The following NSMAF variants were observed in gnomAD, a reference collection of about 807,000 sequenced individuals.
NSMAF encodes neutral sphingomyelinase activation associated factor.
A neutral mutation model predicts 134.9 loss-of-function variants in NSMAF; 90 were observed. That is an observed-to-expected ratio of 0.67 (90% CI 0.56 to 0.79). The LOEUF (loss-of-function observed/expected upper bound fraction) is 0.79. NSMAF is among the 30% of genes least tolerant of loss of function. The probability of loss-of-function intolerance (pLI) is 0.00; values close to 1 mark genes in which losing one functional copy is unlikely to be tolerated. For missense variants in NSMAF, 1,010 were observed against 1,119.0 expected (o/e 0.90, Z 1.39); for synonymous variants, 358 against 389.6 (o/e 0.92, Z 0.96).
At chr8:58,627,055 A>G (rs1806949246) in intron 6 of NSMAF, among the ~76,000 whole-genome samples, 2 of 151,674 alleles carry the variant, frequency 1.3e-5, no homozygotes, top group Non-Finnish European at 2.9e-5. Context: ...TGATGGGATT[A>G]TTTGTTTTTT....
intron 24 of NSMAF, 24 bp downstream of exon 24, chr8:58,590,843 A>T (rs1806005282): frequency 6.5e-7 from 1 of 1,543,836 alleles, no homozygotes; most frequent in Admixed American, 1.7e-5. Flanking sequence ...GATTTCTATC[A>T]TAATACTATT....
chr8:58,645,857 A>G (rs1040038172), intron 1 of NSMAF, among the ~76,000 whole-genome samples: 3 of 152,142 alleles, frequency 2.0e-5, no homozygotes, highest in Non-Finnish European at 4.4e-5. Flanking sequence ...CCTGGTCAAC[A>G]TGGTGAAACC....
At chr8:58,598,233 G>A (rs1052556456) in intron 19 of NSMAF, among the ~76,000 whole-genome samples, 1 of 152,020 alleles carries the variant, frequency 6.6e-6, no homozygotes, top group African/African-American at 2.4e-5. Flanking sequence ...TTATGAACAT[G>A]GGCGATATGG....
intron 1 of NSMAF, chr8:58,659,249 C>T: frequency 1.3e-6 from 2 of 1,504,750 alleles, no homozygotes; most frequent in East Asian, 2.7e-5. Context: ...GGACCCCGCG[C>T]GGCCTTCCGG....
At chr8:58,601,105 G>T in intron 16 of NSMAF, 180 bp downstream of exon 16, 1 of 508,132 alleles carries the variant, frequency 2.0e-6, no homozygotes, top group Non-Finnish European at 3.4e-6. Flanking sequence ...CATAAAATAT[G>T]TTCTCACATT....
chr8:58,652,132 T>C (rs1000130367), intron 1 of NSMAF, among the ~76,000 whole-genome samples: 2 of 152,046 alleles, frequency 1.3e-5, no homozygotes, highest in Non-Finnish European at 2.9e-5. Context: ...AACTTTTAGC[T>C]TTAGGAAGCT....
intron 9 of NSMAF, among the ~76,000 whole-genome samples, chr8:58,610,569 C>A (rs1806505425): frequency 6.6e-6 from 1 of 152,064 alleles, no homozygotes; most frequent in Non-Finnish European, 1.5e-5. Flanking sequence ...GAATGTTGAG[C>A]ATGTAAAGCA....
chr8:58,631,649 G>C (rs1442391703), intron 5 of NSMAF, 103 bp from the exon 6 acceptor site: 1 of 606,518 alleles, frequency 1.6e-6, no homozygotes. Flanking sequence ...TTAAATCATT[G>C]TTATATAATC....
intron 30 of NSMAF, among the ~76,000 whole-genome samples, chr8:58,584,510 C>T (rs1158262870): frequency 2.0e-5 from 3 of 152,104 alleles, no homozygotes; most frequent in African/African-American, 7.2e-5. Context: ...TATAACATGA[C>T]AAAAGTTGGG....
chr8:58,647,730 A>G (rs1807491736), intron 1 of NSMAF, among the ~76,000 whole-genome samples: 1 of 152,346 alleles, frequency 6.6e-6, no homozygotes, highest in East Asian at 1.9e-4. Context: ...GAGGCTTACC[A>G]GAAACCAAGC....
At position 58,585,701 on chromosome 8, in the gene NSMAF, A is replaced by C; in HGVS notation, c.2610T>G (p.Val870=). 1 of 1,614,168 alleles carries C rather than the reference A, an allele frequency of 6.2e-7. No individual in the cohort carries two copies. The highest frequency in any genetic ancestry group is 8.5e-7 in the Non-Finnish European group (1 of 1,179,994). The part of the protein sequence containing the change: ...LSGSQSGELL[V]WDLLGAKISE... ...TGATTTTTGCTCCAAGGAGGTCCCA[A>C]ACGAGCAGTTCACCAGACTGACTGC... is the stretch of plus-strand genomic sequence containing the variant. Residue 870 remains valine, a synonymous_variant, in exon 30 of 31, where the codon GTT becomes GTG. Transcript: ENST00000038176.
At chr8:58,612,640 AG>A (rs564282122) in intron 9 of NSMAF, among the ~76,000 whole-genome samples, 1 of 152,156 alleles carries the variant, frequency 6.6e-6, no homozygotes, top group African/African-American at 2.4e-5. Flanking sequence ...ATCGGAGGTG[AG>A]GGGGGCAGCC....
chr8:58,635,443 C>G, intron 3 of NSMAF, 25 bp downstream of exon 3: 2 of 1,569,480 alleles, frequency 1.3e-6, no homozygotes, highest in Non-Finnish European at 1.7e-6. Context: ...AGGAATGTTT[C>G]TGTTCATATT....
At chr8:58,634,550 C>A (rs1284213457) in intron 5 of NSMAF, among the ~76,000 whole-genome samples, 1 of 152,200 alleles carries the variant, frequency 6.6e-6, no homozygotes, top group African/African-American at 2.4e-5. Context: ...GCTGTCAAGG[C>A]AACATCTGCT....
rs1805977242 is a variant in NSMAF at position 58,589,527 on chromosome 8, T to G, written c.2136A>C (p.Gly712=). Residue 712 remains glycine, a synonymous_variant, in exon 26 of 31, where the codon GGA becomes GGC. Coordinates refer to ENST00000038176, the MANE Select transcript of NSMAF (RefSeq NM_003580.4). ...AGATCTTACTAACAGCATCATCATG[T>G]CCCATTAACGTGTCCTGGCGTCTTC... The part of the protein sequence containing the change: ...AFGRRQDTLM[G]HDDAVSKICW... 6.4e-7 allele frequency: 1 copy of G among 1,573,928 alleles called. No individual in the cohort carries two copies. The highest frequency in any genetic ancestry group is 1.2e-5 in the South Asian group (1 of 83,312).
intron 9 of NSMAF, among the ~76,000 whole-genome samples, chr8:58,617,531 A>T (rs1806688126): frequency 6.6e-6 from 1 of 152,256 alleles, no homozygotes; most frequent in African/African-American, 2.4e-5. Flanking sequence ...AAAAGAAGAC[A>T]TCTATGCAGC....
chr8:58,598,618 G>A (rs1222085474), intron 19 of NSMAF, among the ~76,000 whole-genome samples: 1 of 152,090 alleles, frequency 6.6e-6, no homozygotes, highest in Non-Finnish European at 1.5e-5. Flanking sequence ...TTATTCAGTG[G>A]GATGTAGAGT....
chr8:58,624,079 T>A (rs887915821), intron 6 of NSMAF, among the ~76,000 whole-genome samples: 1 of 144,582 alleles, frequency 6.9e-6, no homozygotes, highest in African/African-American at 2.6e-5. Flanking sequence ...TCTTGTTCTG[T>A]CGCCCAGGCT....
At position 58,635,368 on chromosome 8, in the gene NSMAF, G is replaced by A. The variant is rs1807147807; in HGVS notation, c.233C>T (p.Pro78Leu). The change falls in exon 4 of 31, where the codon CCT becomes CTT. Residue 78 changes from proline to leucine, a missense_variant. Transcript: ENST00000038176. ...DSISQPIIKI[P>L]LRDCIKIGKH... ...TCCTATTTTTATACAGTCTCTCAAAGGAATCTGGATAAAATTGAGAGAAAT... is the reference window on the plus strand; with the variant it reads ...TCCTATTTTTATACAGTCTCTCAAAAGAATCTGGATAAAATTGAGAGAAAT... 1 of 1,602,090 alleles carries A rather than the reference G, an allele frequency of 6.2e-7. No homozygotes were observed. Among genetic ancestry groups the A allele is most frequent in the South Asian group, 1.1e-5 (1 of 88,248 alleles).
Sources: allele counts gnomAD v4.1 joint callset (sites outside exome capture counted in the v4.1 genomes callset), GRCh38; gene constraint gnomAD v4.1.1; transcripts MANE v1.5; gene names NCBI Gene and HGNC (gene_info 2026-07-23, HGNC 2026-07-21).